The following FAT3 variants were observed in gnomAD, a reference collection of about 807,000 sequenced individuals.
FAT3 encodes protocadherin Fat 3.
A neutral mutation model predicts 310.2 loss-of-function variants in FAT3; 95 were observed. That is an observed-to-expected ratio of 0.31 (90% CI 0.26 to 0.36). FAT3 has a LOEUF of 0.36. FAT3 is among the 10% of genes least tolerant of loss of function. The pLI, the probability that FAT3 is intolerant of heterozygous loss-of-function variation, is 1.00. For missense variants in FAT3, 5,408 were observed against 5,715.6 expected (o/e 0.95, Z 1.74); for synonymous variants, 2,314 against 2,192.9 (o/e 1.06, Z -1.54).
In FAT3 at chr11:92,499,213, T is replaced by C. The variant is rs191764117; in HGVS notation, c.3293-25421T>C. Among the ~76,000 whole-genome samples the C allele has an allele frequency of 7.2e-5, 11 of 152,098 alleles. No homozygotes were observed. In the East Asian group the frequency reaches 2.1e-3, roughly 30 times the overall value. The stretch of plus-strand genomic sequence containing the variant: ...AGAATGGTAAGTGCTTTATTAATCG[T>C]ACACAAAATTTGTTTTGGAAATACA... On this transcript the variant is annotated intron_variant, in intron 2 of 27. Coordinates refer to ENST00000525166, the MANE Select transcript of FAT3 (RefSeq NM_001367949.2).
At chr11:92,515,280 C>T (rs1002125136) in intron 2 of FAT3, among the ~76,000 whole-genome samples, 1 of 152,054 alleles carries the variant, frequency 6.6e-6, no homozygotes, top group Admixed American at 6.6e-5. Flanking sequence ...CATTTATATT[C>T]TGCCTATCTT....
At chr11:92,228,078 A>G (rs1427626166) in intron 1 of FAT3, among the ~76,000 whole-genome samples, 2 of 152,130 alleles carry the variant, frequency 1.3e-5, no homozygotes, top group Non-Finnish European at 2.9e-5. Context: ...GGGATGAGAA[A>G]GTTCCCAGAA....
At chr11:92,249,013 C>T (rs1865038066) in intron 1 of FAT3, among the ~76,000 whole-genome samples, 1 of 152,090 alleles carries the variant, frequency 6.6e-6, no homozygotes, top group South Asian at 2.1e-4. Flanking sequence ...AATATTCTAA[C>T]ATCTGAATTC....
At chr11:92,416,025 G>C (rs1421963769) in intron 2 of FAT3, among the ~76,000 whole-genome samples, 2 of 140,884 alleles carry the variant, frequency 1.4e-5, no homozygotes, top group African/African-American at 5.4e-5. Flanking sequence ...CCTGTTCCAC[G>C]TGATTCAGAG....
chr11:92,330,686 G>A (rs1034574774), intron 1 of FAT3, among the ~76,000 whole-genome samples: 1 of 151,998 alleles, frequency 6.6e-6, no homozygotes, highest in Non-Finnish European at 1.5e-5. Context: ...TTGGGTGATG[G>A]ACAAAAATAT....
At chr11:92,526,197 C>T (rs561905557) in intron 3 of FAT3, among the ~76,000 whole-genome samples, 8 of 152,266 alleles carry the variant, frequency 5.3e-5, no homozygotes, top group South Asian at 4.1e-4. Context: ...CATGCTTCTG[C>T]GGAACAGGCC....
intron 2 of FAT3, among the ~76,000 whole-genome samples, chr11:92,489,763 G>A (rs1042863415): frequency 3.7e-4 from 57 of 152,056 alleles, no homozygotes; most frequent in African/African-American, 1.3e-3. Flanking sequence ...GCTACTGTTT[G>A]TCGGGCTGGA....
chr11:92,466,568 A>AT (rs969483042), intron 2 of FAT3, among the ~76,000 whole-genome samples: 2 of 150,952 alleles, frequency 1.3e-5, no homozygotes, highest in Admixed American at 6.6e-5. Flanking sequence ...TTTTTTTTAA[A>AT]TTTTTTAATT....
At chr11:92,410,895 C>T (rs1950242781) in intron 2 of FAT3, among the ~76,000 whole-genome samples, 1 of 151,298 alleles carries the variant, frequency 6.6e-6, no homozygotes, top group Non-Finnish European at 1.5e-5. Flanking sequence ...AAAAATAAAC[C>T]TTATGGGGTG....
At chr11:92,726,089 T>A (rs1245918009) in intron 4 of FAT3, among the ~76,000 whole-genome samples, 1 of 152,106 alleles carries the variant, frequency 6.6e-6, no homozygotes, top group Non-Finnish European at 1.5e-5. Flanking sequence ...GTATATTAAA[T>A]TAGGACATGT....
chr11:92,341,404 G>C (rs1048800091), intron 1 of FAT3, among the ~76,000 whole-genome samples: 3 of 151,880 alleles, frequency 2.0e-5, no homozygotes, highest in African/African-American at 4.8e-5. Context: ...TTAGCACTGA[G>C]TACTAATCCA....
Position 92,844,568 on chromosome 11 carries a change from G to A in FAT3, c.11201G>A (p.Arg3734His), listed in dbSNP as rs756718203. ...AGAAGACACCTGGAGAATATCATGC[G>A]CATCTCAGCCATCTTGGAGAAGAAC... ...NARRHLENIM[R>H]ISAILEKNCS... The change falls in exon 19 of 28, where the codon CGC (arginine) becomes CAC (histidine). Residue 3734 changes from arginine (R) to histidine (H), a missense_variant. Arg to His is a conservative substitution (Grantham distance 29). Coordinates refer to ENST00000525166, the MANE Select transcript of FAT3 (RefSeq NM_001367949.2). The A allele has an allele frequency of 4.3e-5, 70 of 1,613,838 alleles. No homozygotes were observed. Among genetic ancestry groups the A allele is most frequent in the Non-Finnish European group, 5.3e-5 (63 of 1,179,888 alleles).
In FAT3 at chr11:92,271,614, A is replaced by G. The variant is rs114971778; in HGVS notation, c.-18+46440A>G. On this transcript the variant is annotated intron_variant, in intron 1 of 27. Transcript: ENST00000525166. ...TCACTGTTATCCCTCCAGTGCCCAG[A>G]ACAGTGCTTGCAACATAGTTGTTGC... Among the ~76,000 whole-genome samples the G allele has an allele frequency of 8.6e-3, 1,317 of 152,270 alleles. 9 individuals carry two copies. Among genetic ancestry groups the G allele is most frequent in the African/African-American group, 0.03 (1,241 of 41,570 alleles).
intron 2 of FAT3, among the ~76,000 whole-genome samples, chr11:92,488,456 C>G (rs1565355374): frequency 2.3e-5 from 2 of 87,464 alleles, no homozygotes; most frequent in African/African-American, 7.9e-5. Context: ...CACCGCCCCC[C>G]CCCCCGCCCC....
intron 3 of FAT3, among the ~76,000 whole-genome samples, chr11:92,561,473 T>C (rs1352705036): frequency 6.6e-6 from 1 of 152,168 alleles, no homozygotes; most frequent in Non-Finnish European, 1.5e-5. Flanking sequence ...TATATTTCTT[T>C]ACATATAGGA....
chr11:92,742,275 G>A (rs532594714), intron 4 of FAT3, among the ~76,000 whole-genome samples: 60 of 152,326 alleles, frequency 3.9e-4, no homozygotes, highest in African/African-American at 1.4e-3. Context: ...GCATCATAAA[G>A]GGACAAACAG....
intron 2 of FAT3, among the ~76,000 whole-genome samples, chr11:92,421,000 C>T (rs1271009455): frequency 6.6e-6 from 1 of 152,148 alleles, no homozygotes; most frequent in Non-Finnish European, 1.5e-5. Flanking sequence ...TTAACTTTCT[C>T]ATTTTCCATT....
chr11:92,772,586 A>G (rs1461857862), intron 6 of FAT3, among the ~76,000 whole-genome samples: 1 of 152,168 alleles, frequency 6.6e-6, no homozygotes, highest in Non-Finnish European at 1.5e-5. Flanking sequence ...TCAATTAAAG[A>G]TATTAATTGG....
chr11:92,459,256 G>A (rs534118979), intron 2 of FAT3, among the ~76,000 whole-genome samples: 1 of 152,266 alleles, frequency 6.6e-6, no homozygotes. Flanking sequence ...AGAGAGCCTT[G>A]GAATCCATTT....
Sources: gnomAD v4.1 joint callset for allele counts (sites outside exome capture counted in the v4.1 genomes callset) on GRCh38, gnomAD v4.1.1 for gene constraint, MANE v1.5 for transcripts, NCBI Gene and HGNC (gene_info 2026-07-23, HGNC 2026-07-21) for gene names.